Variants in SLC25A21 observed in about 807,000 individuals in gnomAD.
SLC25A21 encodes mitochondrial 2-oxodicarboxylate carrier.
SLC25A21 carries 47 observed loss-of-function variants against 43.8 expected under a neutral mutation model. The observed-to-expected ratio is 1.07, with a 90% CI of 0.85 to 1.37. The LOEUF (loss-of-function observed/expected upper bound fraction) is 1.37, where lower values mean the gene tolerates loss of function less well. SLC25A21 is among the 40% of genes most tolerant of loss of function. SLC25A21 has a pLI of 0.00. For synonymous variants in SLC25A21, 131 were observed against 121.3 expected, an observed-to-expected ratio of 1.08 and a Z score of -0.52; for missense variants, 352 against 350.2, an observed-to-expected ratio of 1.00 and a Z score of -0.04.
chr14:36,780,423 AT>A (rs1395100913), intron 3 of SLC25A21, among the ~76,000 whole-genome samples: 2 of 151,964 alleles, frequency 1.3e-5, no homozygotes, highest in Admixed American at 6.6e-5. Flanking sequence ...CATGAAGTTA[AT>A]TTGTTTAATT....
At chr14:36,834,600 C>A (rs913872046) in intron 2 of SLC25A21, among the ~76,000 whole-genome samples, 17 of 152,178 alleles carry the variant, frequency 1.1e-4, no homozygotes, top group African/African-American at 3.9e-4. Context: ...CTTCTCCCTC[C>A]CAACTGCCCT....
intron 1 of SLC25A21, among the ~76,000 whole-genome samples, chr14:37,035,072 T>C (rs1402376776): frequency 1.3e-5 from 2 of 152,228 alleles, no homozygotes; most frequent in South Asian, 2.1e-4. Context: ...GACTGGGCTA[T>C]AAATTTTACA....
chr14:36,773,004 T>C (rs1348543145), intron 3 of SLC25A21, among the ~76,000 whole-genome samples: 6 of 152,132 alleles, frequency 3.9e-5, no homozygotes, highest in Admixed American at 2.6e-4. Context: ...AATTAAGAGA[T>C]TGGGAGATTG....
At chr14:36,786,116 G>C (rs1887241635) in intron 3 of SLC25A21, among the ~76,000 whole-genome samples, 1 of 152,164 alleles carries the variant, frequency 6.6e-6, no homozygotes, top group East Asian at 1.9e-4. Context: ...AGAAACGCCT[G>C]GATTTATTTA....
At chr14:36,975,321 A>G (rs998800873) in intron 1 of SLC25A21, among the ~76,000 whole-genome samples, 2 of 152,220 alleles carry the variant, frequency 1.3e-5, no homozygotes, top group African/African-American at 4.8e-5. Flanking sequence ...AATCACCACT[A>G]AAGAACTTAC....
intron 1 of SLC25A21, among the ~76,000 whole-genome samples, chr14:37,147,438 T>C (rs1204013511): frequency 6.6e-6 from 1 of 152,124 alleles, no homozygotes; most frequent in Non-Finnish European, 1.5e-5. Context: ...GGCACCTTCC[T>C]ATCTCATTGT....
chr14:37,144,702 T>C (rs1430354111), intron 1 of SLC25A21, among the ~76,000 whole-genome samples: 4 of 152,214 alleles, frequency 2.6e-5, no homozygotes, highest in Non-Finnish European at 5.9e-5. Flanking sequence ...ATATAGTTTA[T>C]ATTATAAAAG....
intron 2 of SLC25A21, among the ~76,000 whole-genome samples, chr14:36,845,333 T>C (rs552024744): frequency 1.2e-4 from 19 of 152,336 alleles, no homozygotes; most frequent in Non-Finnish European, 2.2e-4. Flanking sequence ...AAAAAAAGTA[T>C]GTTCAGAGCA....
rs1271985508 is a variant in SLC25A21 at position 36,678,863 on chromosome 14, C to CAA, written c.*1793_*1794dup. 6 of 973,022 alleles carry CAA rather than the reference C, an allele frequency of 6.2e-6. No homozygotes were observed. In the Admixed American group the frequency reaches 1.8e-4, roughly 29 times the overall value. The allele number at this position is 973,022 out of a possible 1,614,324, so 60.3% of individuals were successfully genotyped here. A position where few individuals can be genotyped will look rare whatever the true frequency, so the allele number is the denominator to read the frequency against. On this transcript the variant is annotated 3_prime_UTR_variant, in exon 10 of 10. Transcript: ENST00000331299. The stretch of plus-strand genomic sequence containing the variant: ...AGTAATTTTTAAAAGATATCAGATA[C>CAA]AATTTGCTATTCAAAGAAAATTATG...
At chr14:37,146,670 A>G (rs1203802567) in intron 1 of SLC25A21, among the ~76,000 whole-genome samples, 1 of 152,234 alleles carries the variant, frequency 6.6e-6, no homozygotes, top group East Asian at 1.9e-4. Flanking sequence ...AGTATTATGC[A>G]TTCATTCTTA....
intron 1 of SLC25A21, among the ~76,000 whole-genome samples, chr14:36,923,706 G>A (rs1030450657): frequency 6.6e-6 from 1 of 152,012 alleles, no homozygotes; most frequent in African/African-American, 2.4e-5. Flanking sequence ...CCATGGGTTC[G>A]CATCCTCAGA....
Position 37,039,231 on chromosome 14 carries a change from C to G in SLC25A21, c.70+133050G>C, listed in dbSNP as rs1392735713. On this transcript the variant is annotated intron_variant, in intron 1 of 9. Coordinates refer to ENST00000331299, the MANE Select transcript of SLC25A21 (RefSeq NM_030631.4). Reference sequence around the variant, plus strand: ...TACTGAAAGGCATTCATTGATGCAGCCTGTCTTATAAGCATTGTTTTTAAC... The same window carrying G: ...TACTGAAAGGCATTCATTGATGCAGGCTGTCTTATAAGCATTGTTTTTAAC... 3.9e-5 allele frequency among the ~76,000 whole-genome samples: 6 copies of G among 152,092 alleles called. 1 individual carries two copies. In the South Asian group the frequency reaches 1.2e-3, roughly 32 times the overall value.
At chr14:37,156,352 A>C (rs1963849854) in intron 1 of SLC25A21, among the ~76,000 whole-genome samples, 2 of 151,974 alleles carry the variant, frequency 1.3e-5, no homozygotes, top group Non-Finnish European at 2.9e-5. Context: ...GAGAAAAAGA[A>C]AGGAACAAAG....
chr14:36,694,738 T>G (rs1487160817), intron 7 of SLC25A21, among the ~76,000 whole-genome samples: 1 of 152,232 alleles, frequency 6.6e-6, no homozygotes, highest in Non-Finnish European at 1.5e-5. Context: ...TCATATCCTT[T>G]GCCCACTTTT....
chr14:36,900,060 C>T (rs945949857), intron 1 of SLC25A21, among the ~76,000 whole-genome samples: 3 of 152,058 alleles, frequency 2.0e-5, no homozygotes, highest in South Asian at 4.2e-4. Context: ...AATGAACTGA[C>T]GGAAATGGCA....
chr14:36,726,884 C>T (rs557258781), intron 5 of SLC25A21, among the ~76,000 whole-genome samples: 1 of 152,210 alleles, frequency 6.6e-6, no homozygotes, highest in East Asian at 1.9e-4. Flanking sequence ...GCTCTAATAT[C>T]TTCTAAATAG....
intron 3 of SLC25A21, among the ~76,000 whole-genome samples, chr14:36,788,232 G>A (rs1243780867): frequency 6.6e-6 from 1 of 152,014 alleles, no homozygotes; most frequent in East Asian, 1.9e-4. Flanking sequence ...GAGCTTAATG[G>A]CTGATGTCCA....
chr14:37,074,751 G>T (rs1409912984), intron 1 of SLC25A21, among the ~76,000 whole-genome samples: 2 of 152,206 alleles, frequency 1.3e-5, no homozygotes, highest in East Asian at 3.9e-4. Flanking sequence ...GAGAACTGCT[G>T]GAACCCGAGA....
At chr14:37,061,330 C>T (rs908768791) in intron 1 of SLC25A21, among the ~76,000 whole-genome samples, 1 of 152,204 alleles carries the variant, frequency 6.6e-6, no homozygotes, top group African/African-American at 2.4e-5. Flanking sequence ...TCAGTTTGCA[C>T]AATCTGCCCT....
Sources: allele counts gnomAD v4.1 joint callset (sites outside exome capture counted in the v4.1 genomes callset), GRCh38; gene constraint gnomAD v4.1.1; transcripts MANE v1.5; gene names NCBI Gene and HGNC (gene_info 2026-07-23, HGNC 2026-07-21).